Variants in CELF2 observed in about 807,000 individuals in gnomAD.
CELF2 encodes CUGBP Elav-like family member 2.
In CELF2, 8 loss-of-function variants were observed where a neutral mutation model predicts 62.6. The ratio of observed to expected loss-of-function variants is 0.13; its 90% CI spans 0.07 to 0.23. The LOEUF (loss-of-function observed/expected upper bound fraction) is 0.23, where lower values mean the gene tolerates loss of function less well. Ranked by LOEUF, CELF2 falls within the 10% of genes least tolerant of loss-of-function variation. CELF2 has a pLI of 1.00. For synonymous variants in CELF2, 258 were observed against 250.0 expected, an observed-to-expected ratio of 1.03 and a Z score of -0.30; for missense variants, 333 against 671.0, an observed-to-expected ratio of 0.50 and a Z score of 5.56.
intron 8 of CELF2, among the ~76,000 whole-genome samples, chr10:11,282,856 G>A (rs973445064): frequency 1.3e-5 from 2 of 152,252 alleles, no homozygotes; most frequent in Admixed American, 1.3e-4. Flanking sequence ...GATTGCTGCT[G>A]TTATCCCTGG....
chr10:10,641,422 C>T, the CELF2 span, among the ~76,000 whole-genome samples: 1 of 151,992 alleles, frequency 6.6e-6, no homozygotes, highest in Non-Finnish European at 1.5e-5. Flanking sequence ...GGGTGTATTG[C>T]TACAGAGGTT....
At chr10:11,009,024 T>G (rs2055902303) in intron 1 of CELF2, among the ~76,000 whole-genome samples, 4 of 139,390 alleles carry the variant, frequency 2.9e-5, no homozygotes, top group South Asian at 2.6e-4. Flanking sequence ...GGGGGGAGCA[T>G]TCCTGATTCA....
At chr10:11,283,998 T>C (rs2139377979) in intron 8 of CELF2, among the ~76,000 whole-genome samples, 3 of 142,336 alleles carry the variant, frequency 2.1e-5, no homozygotes, top group African/African-American at 5.4e-5. Flanking sequence ...GGTGAGTGGA[T>C]GAGGGATGAG....
rs1294415513 is a variant in CELF2, at chr10:11,207,676, A to G, written c.272-9749A>G. 6.6e-6 allele frequency among the ~76,000 whole-genome samples: 1 copy of G among 152,246 alleles called. No individual in the cohort carries two copies. The highest frequency in any genetic ancestry group is 1.5e-5 in the Non-Finnish European group (1 of 68,040). On this transcript the variant is annotated intron_variant, in intron 2 of 12. Coordinates refer to ENST00000633077, the MANE Select transcript of CELF2 (RefSeq NM_001326342.2). This position sits in a 1 kb window ranked among gnomAD's most constrained non-coding sequence, Gnocchi z 4.1. ...TGGTAATCCAAACCGTGGAGTCCAC[A>G]TAACTCACATACGGAAGGCCCGATG...
chr10:11,003,785 G>A (rs968900732), upstream of CELF2, among the ~76,000 whole-genome samples: 1 of 152,056 alleles, frequency 6.6e-6, no homozygotes, highest in African/African-American at 2.4e-5. This position sits in a 1 kb window ranked among gnomAD's most constrained non-coding sequence, Gnocchi z 4.4. Context: ...CGCTGGCAAG[G>A]TTGTTCATTT....
chr10:11,017,617 C>T (rs2057436695), upstream of CELF2, among the ~76,000 whole-genome samples: 1 of 152,160 alleles, frequency 6.6e-6, no homozygotes, highest in South Asian at 2.1e-4. The surrounding 1 kb of genome is among the most constrained non-coding windows in gnomAD (Gnocchi z 5.5). Flanking sequence ...GCTTTGGCGC[C>T]TGGGTGGCCC....
At chr10:11,139,656 C>T (rs1238453102) in intron 1 of CELF2, among the ~76,000 whole-genome samples, 1 of 152,146 alleles carries the variant, frequency 6.6e-6, no homozygotes, top group Non-Finnish European at 1.5e-5. Context: ...TTAATGTATA[C>T]ATCTTTCCAT....
chr10:11,326,930 C>G (rs2095768828), intron 12 of CELF2, among the ~76,000 whole-genome samples: 1 of 152,208 alleles, frequency 6.6e-6, no homozygotes, highest in African/African-American at 2.4e-5. Flanking sequence ...GGGTGGTTCT[C>G]AAACTTAACT....
the CELF2 span, among the ~76,000 whole-genome samples, chr10:10,725,725 TG>T: frequency 1.3e-5 from 2 of 152,232 alleles, no homozygotes; most frequent in Non-Finnish European, 2.9e-5. Context: ...GCTATGATGA[TG>T]ACTCTCTTGG....
At chr10:10,669,556 G>A in the CELF2 span, among the ~76,000 whole-genome samples, 14 of 152,188 alleles carry the variant, frequency 9.2e-5, no homozygotes, top group Admixed American at 2.6e-4. Flanking sequence ...GTGCAGATTC[G>A]GATTCTAATA....
rs1358929070 is a variant in CELF2 at position 11,156,546 on chromosome 10, T to C, written c.75-8940T>C. On this transcript the variant is annotated intron_variant, in intron 1 of 12. Transcript: ENST00000633077. The surrounding 1 kb of genome is among the most constrained non-coding windows in gnomAD (Gnocchi z 4.3). Reference sequence around the variant, plus strand: ...GATAAGGCTTACTTATTTGCCTATTTCATGCCCACTCTAGAATATAACTCC... The same window carrying C: ...GATAAGGCTTACTTATTTGCCTATTCCATGCCCACTCTAGAATATAACTCC... 6.6e-6 allele frequency among the ~76,000 whole-genome samples: 1 copy of C among 152,182 alleles called. No homozygotes were observed. Among genetic ancestry groups the C allele is most frequent in the Non-Finnish European group, 1.5e-5 (1 of 68,036 alleles).
At chr10:11,027,897 A>G (rs1216047619) in intron 1 of CELF2, among the ~76,000 whole-genome samples, 1 of 152,246 alleles carries the variant, frequency 6.6e-6, no homozygotes, top group Admixed American at 6.5e-5. Flanking sequence ...ATGTTGGGAA[A>G]GAAATGACAA....
the CELF2 span, among the ~76,000 whole-genome samples, chr10:10,755,708 G>A: frequency 6.6e-5 from 10 of 152,180 alleles, no homozygotes; most frequent in African/African-American, 2.4e-4. Context: ...GTTATATCAC[G>A]TGATCCTTCC....
intron 1 of CELF2, among the ~76,000 whole-genome samples, chr10:10,858,488 G>A (rs1205768887): frequency 1.3e-5 from 2 of 152,120 alleles, no homozygotes; most frequent in Non-Finnish European, 2.9e-5. Context: ...CTACCCATCA[G>A]AGAAGCCTTA....
Position 11,332,928 on chromosome 10 carries a change from C to CT in CELF2, c.*3876dup, listed in dbSNP as rs1349294821. 1 of 152,652 alleles carries CT rather than the reference C, an allele frequency of 6.6e-6. No homozygotes were observed. The highest frequency in any genetic ancestry group is 1.5e-5 in the Non-Finnish European group (1 of 68,044). The allele number at this position is 152,652 out of a possible 1,614,324, so 9.5% of individuals were successfully genotyped here. A position where few individuals can be genotyped will look rare whatever the true frequency, so the allele number is the denominator to read the frequency against. ...CAACACTTATTGCACCTGTCTCTCTCTGAGAACACGGTGTGTCTCGACACG... is the reference window on the plus strand; with the variant it reads ...CAACACTTATTGCACCTGTCTCTCTCTTGAGAACACGGTGTGTCTCGACACG... On this transcript the variant is annotated 3_prime_UTR_variant, in exon 13 of 13. Transcript: ENST00000633077.
At chr10:10,831,846 C>T (rs1434363982) in intron 1 of CELF2, among the ~76,000 whole-genome samples, 1 of 152,142 alleles carries the variant, frequency 6.6e-6, no homozygotes, top group Non-Finnish European at 1.5e-5. Flanking sequence ...GTGGCATGCT[C>T]TTGTAATCCC....
At chr10:10,757,135 C>T in the CELF2 span, among the ~76,000 whole-genome samples, 2 of 151,654 alleles carry the variant, frequency 1.3e-5, no homozygotes, top group Non-Finnish European at 2.9e-5. Flanking sequence ...GAGGGGGACT[C>T]TGTCTCAAAA....
intron 1 of CELF2, among the ~76,000 whole-genome samples, chr10:10,816,854 G>A (rs2056505219): frequency 6.6e-6 from 1 of 152,240 alleles, no homozygotes; most frequent in African/African-American, 2.4e-5. Context: ...GCCATAGGCT[G>A]TACTGGAGTC....
At chr10:11,063,100 C>T (rs1213843008) in intron 1 of CELF2, among the ~76,000 whole-genome samples, 1 of 152,174 alleles carries the variant, frequency 6.6e-6, no homozygotes, top group East Asian at 1.9e-4. Flanking sequence ...AATGCTATGG[C>T]ACACTTAATA....
Sources: gnomAD v4.1 joint callset for allele counts (sites outside exome capture counted in the v4.1 genomes callset) on GRCh38, gnomAD v4.1.1 for gene constraint, Gnocchi (gnomAD v3.1) non-coding constraint, MANE v1.5 for transcripts, NCBI Gene and HGNC (gene_info 2026-07-23, HGNC 2026-07-21) for gene names.